ENOPH1: variants seen among roughly 807,000 people sequenced by gnomAD.
The protein encoded by ENOPH1 is enolase-phosphatase 1.
In ENOPH1, 14 loss-of-function variants were observed where a neutral mutation model predicts 31.1. The ratio of observed to expected loss-of-function variants is 0.45; its 90% CI spans 0.30 to 0.70. The LOEUF (loss-of-function observed/expected upper bound fraction) is 0.70, where lower values mean the gene tolerates loss of function less well. ENOPH1 is among the 30% of genes least tolerant of loss of function. ENOPH1 has a pLI of 0.09. For missense variants in ENOPH1, 243 were observed against 321.5 expected (o/e 0.76, Z 1.87); for synonymous variants, 127 against 123.2 (o/e 1.03, Z -0.21).
At chr4:82,437,212 C>T (rs567448567) in intron 1 of ENOPH1, among the ~76,000 whole-genome samples, 8 of 152,188 alleles carry the variant, frequency 5.3e-5, no homozygotes, top group Admixed American at 4.6e-4. Context: ...CTTTCCCTCA[C>T]ATTTAATTGA....
Position 82,456,922 on chromosome 4 carries a change from A to C in ENOPH1, c.530A>C (p.Asp177Ala). The C allele has an allele frequency of 6.2e-7, 1 of 1,613,882 alleles. No individual in the cohort carries two copies. Among genetic ancestry groups the C allele is most frequent in the Non-Finnish European group, 8.5e-7 (1 of 1,179,902 alleles). ...STEGDILELV[D>A]GHFDTKIGHK... is the part of the protein sequence containing the mutation. ...CCCCTTCTCTTTGTTCAGCTTGTTGATGGTCACTTTGATACCAAGATTGGA... is the reference window on the plus strand; with the variant it reads ...CCCCTTCTCTTTGTTCAGCTTGTTGCTGGTCACTTTGATACCAAGATTGGA... Residue 177 changes from aspartate to alanine, a missense_variant, in exon 5 of 6, where the codon GAT becomes GCT. Transcript: ENST00000273920.
intron 1 of ENOPH1, among the ~76,000 whole-genome samples, chr4:82,446,272 G>A (rs926118486): frequency 6.6e-6 from 1 of 151,964 alleles, no homozygotes; most frequent in Non-Finnish European, 1.5e-5. Flanking sequence ...ACAAAAATTA[G>A]CCGGGTGTGG....
chr4:82,455,501 C>T (rs912513373), intron 4 of ENOPH1, among the ~76,000 whole-genome samples: 1 of 152,042 alleles, frequency 6.6e-6, no homozygotes, highest in African/African-American at 2.4e-5. Flanking sequence ...TATTTACCGG[C>T]CGGGCGCAGT....
In ENOPH1 at chr4:82,451,107, A is replaced by G; in HGVS notation, c.251A>G (p.Asp84Gly). ...CCTGCAGCATCTGGGAATGGAGTGGATGATCTGCAACAGATGATCCAGGCC... is the reference window on the plus strand; with the variant it reads ...CCTGCAGCATCTGGGAATGGAGTGGGTGATCTGCAACAGATGATCCAGGCC... Reference protein sequence around the residue: ...PIPAASGNGVDDLQQMIQAVV... With the variant: ...PIPAASGNGVGDLQQMIQAVV... Residue 84 changes from aspartate (D) to glycine (G), a missense_variant, in exon 3 of 6, where the codon GAT (aspartate) becomes GGT (glycine). Transcript: ENST00000273920. 1 of 1,614,210 alleles carries G rather than the reference A, an allele frequency of 6.2e-7. No homozygotes were observed. Among genetic ancestry groups the G allele is most frequent in the East Asian group, 2.2e-5 (1 of 44,882 alleles).
Position 82,430,920 on chromosome 4 carries a change from G to T in ENOPH1, c.84+7G>T. 6.2e-7 allele frequency: 1 copy of T among 1,612,244 alleles called. No individual in the cohort carries two copies. The highest frequency in any genetic ancestry group is 8.5e-7 in the Non-Finnish European group (1 of 1,178,230). On this transcript the variant is annotated splice_region_variant and intron_variant, in intron 1 of 5. Transcript: ENST00000273920. Reference sequence around the variant, plus strand: ...CCCGATTGCTTTCGTGAAGGTGAGGGGCGGAAGGGAGCGGGGATGTTACTT... The same window carrying T: ...CCCGATTGCTTTCGTGAAGGTGAGGTGCGGAAGGGAGCGGGGATGTTACTT...
chr4:82,440,980 A>G (rs72909821), intron 1 of ENOPH1, among the ~76,000 whole-genome samples: 3,854 of 152,290 alleles, frequency 0.025, 151 homozygotes, highest in African/African-American at 0.088. Context: ...GCCAGAACAC[A>G]GAAACTTCTT....
rs1225326016 is a variant in ENOPH1 at position 82,431,007 on chromosome 4, TAGG to T, written c.84+97_84+99del. On this transcript the variant is annotated intron_variant, in intron 1 of 5. Transcript: ENST00000273920. ...CAGGCCTTGCATTGGAGACGAGGGT[TAGG>T]AGAGGCGGTGTGGCTGCCTCTTGTG... The T allele has an allele frequency of 8.0e-6, 9 of 1,118,186 alleles. No homozygotes were observed. In the East Asian group the frequency reaches 2.2e-4, roughly 27 times the overall value. The allele number at this position is 1,118,186 out of a possible 1,614,324, so 69.3% of individuals were successfully genotyped here. A position where few individuals can be genotyped will look rare whatever the true frequency, so the allele number is the denominator to read the frequency against.
chr4:82,435,997 T>G (rs569632153), intron 1 of ENOPH1, among the ~76,000 whole-genome samples: 1 of 152,166 alleles, frequency 6.6e-6, no homozygotes, highest in Non-Finnish European at 1.5e-5. Flanking sequence ...ATGCAGGAAG[T>G]GTCAGACTGG....
intron 1 of ENOPH1, among the ~76,000 whole-genome samples, chr4:82,443,585 G>T (rs1032992376): frequency 1.3e-5 from 2 of 149,042 alleles, no homozygotes; most frequent in African/African-American, 4.9e-5. Flanking sequence ...AAAATTGGCC[G>T]GGCGTGGTGG....
chr4:82,448,317 G>A (rs1405213195), intron 2 of ENOPH1, among the ~76,000 whole-genome samples: 1 of 150,808 alleles, frequency 6.6e-6, no homozygotes, highest in African/African-American at 2.4e-5. Context: ...GCTGGAGTGT[G>A]GTGGTGTGAT....
chr4:82,448,272 T>A (rs187641667), intron 2 of ENOPH1, among the ~76,000 whole-genome samples: 108 of 150,366 alleles, frequency 7.2e-4, no homozygotes, highest in African/African-American at 2.4e-3. Flanking sequence ...TTTTTTTTGT[T>A]TTTTTTTGAG....
intron 1 of ENOPH1, among the ~76,000 whole-genome samples, chr4:82,444,006 C>G (rs1722114349): frequency 6.6e-6 from 1 of 152,038 alleles, no homozygotes; most frequent in Non-Finnish European, 1.5e-5. Flanking sequence ...TCCCAAGTAG[C>G]CGGGATTACA....
intron 3 of ENOPH1, among the ~76,000 whole-genome samples, chr4:82,452,261 C>A (rs1293977187): frequency 6.6e-6 from 1 of 151,984 alleles, no homozygotes; most frequent in East Asian, 1.9e-4. Context: ...GAGGTGTGGT[C>A]TTGCTATGTT....
At chr4:82,447,316 G>A (rs892050193) in intron 1 of ENOPH1, among the ~76,000 whole-genome samples, 1 of 152,124 alleles carries the variant, frequency 6.6e-6, no homozygotes, top group Non-Finnish European at 1.5e-5. Flanking sequence ...ATGCTCCAAA[G>A]GTAGTCTAGT....
chr4:82,457,144 A>G, intron 5 of ENOPH1, 106 bp downstream of exon 5: 1 of 1,106,436 alleles, frequency 9.0e-7, no homozygotes, highest in Middle Eastern at 2.1e-4. Flanking sequence ...TCCTTGAAAA[A>G]TAAAACAGTT....
chr4:82,449,019 C>T (rs1376398490), intron 2 of ENOPH1, among the ~76,000 whole-genome samples: 1 of 140,330 alleles, frequency 7.1e-6, no homozygotes, highest in East Asian at 2.2e-4. Context: ...GATCCCGCCA[C>T]TGCACTCCAG....
rs1468195879 is a variant in ENOPH1 at position 82,450,190 on chromosome 4, G to A, written c.187-853G>A. On this transcript the variant is annotated intron_variant, in intron 2 of 5. Coordinates refer to ENST00000273920, the MANE Select transcript of ENOPH1 (RefSeq NM_021204.5). Reference sequence around the variant, plus strand: ...TAACTCAGGGTTAATCTGAAATACAGTGAGTCCTTACTTAATGTTGTCTTT... The same window carrying A: ...TAACTCAGGGTTAATCTGAAATACAATGAGTCCTTACTTAATGTTGTCTTT... 3.3e-5 allele frequency among the ~76,000 whole-genome samples: 5 copies of A among 152,210 alleles called. No individual in the cohort carries two copies. In the East Asian group the frequency reaches 9.6e-4, roughly 29 times the overall value.
intron 1 of ENOPH1, among the ~76,000 whole-genome samples, chr4:82,441,300 G>C (rs369343604): frequency 1.3e-5 from 2 of 152,134 alleles, no homozygotes; most frequent in Admixed American, 1.3e-4. Context: ...GCAGGCAAGA[G>C]GGCATGTTCA....
chr4:82,443,517 A>T (rs1287504471), intron 1 of ENOPH1, among the ~76,000 whole-genome samples: 2 of 151,756 alleles, frequency 1.3e-5, no homozygotes, highest in Non-Finnish European at 2.9e-5. Context: ...TCACGAGGTC[A>T]GGAGATCGAG....
Sources: gnomAD v4.1 joint callset for allele counts (sites outside exome capture counted in the v4.1 genomes callset) on GRCh38, gnomAD v4.1.1 for gene constraint, MANE v1.5 for transcripts, NCBI Gene and HGNC (gene_info 2026-07-23, HGNC 2026-07-21) for gene names.